Variants in LRRFIP1 observed in about 807,000 individuals in gnomAD.
The protein encoded by LRRFIP1 is leucine-rich repeat flightless-interacting protein 1.
In LRRFIP1, 62 loss-of-function variants were observed where a neutral mutation model predicts 104.4. That is an observed-to-expected ratio of 0.59 (90% confidence interval 0.48 to 0.73). The LOEUF is 0.73. LRRFIP1 is among the 30% of genes least tolerant of loss of function. The pLI, the probability that LRRFIP1 is intolerant of heterozygous loss-of-function variation, is 0.00. For missense variants in LRRFIP1, 796 were observed against 824.5 expected (o/e 0.97, Z 0.42); for synonymous variants, 300 against 299.0 (o/e 1.00, Z -0.03).
intron 11 of LRRFIP1, among the ~76,000 whole-genome samples, chr2:237,743,818 C>T (rs1221062677): frequency 1.3e-5 from 2 of 152,138 alleles, no homozygotes; most frequent in Non-Finnish European, 2.9e-5. Context: ...ACGGCCAGAG[C>T]TTGGGCCACA....
intron 1 of LRRFIP1, among the ~76,000 whole-genome samples, chr2:237,674,431 G>A (rs986286724): frequency 3.3e-5 from 5 of 152,212 alleles, no homozygotes; most frequent in Non-Finnish European, 7.3e-5. Flanking sequence ...CTGCAGGAGT[G>A]GCCATCAGTG....
intron 1 of LRRFIP1, among the ~76,000 whole-genome samples, chr2:237,638,351 CA>C (rs768470772): frequency 2.2e-4 from 34 of 152,160 alleles, no homozygotes; most frequent in Non-Finnish European, 3.5e-4. Context: ...GCTCATCTGA[CA>C]AGAGGTGGAG....
At chr2:237,744,097 A>G (rs572844827) in intron 11 of LRRFIP1, among the ~76,000 whole-genome samples, 1 of 152,366 alleles carries the variant, frequency 6.6e-6, no homozygotes, top group East Asian at 1.9e-4. Flanking sequence ...ACCAGGTGGA[A>G]AAACGGGTCT....
At chr2:237,745,218 C>T (rs1360010109) in intron 11 of LRRFIP1, among the ~76,000 whole-genome samples, 5 of 152,176 alleles carry the variant, frequency 3.3e-5, no homozygotes, top group East Asian at 1.9e-4. Context: ...AGTGGGGCTG[C>T]GTGGCTTTCC....
intron 14 of LRRFIP1, among the ~76,000 whole-genome samples, chr2:237,752,565 G>T (rs557099048): frequency 2.0e-5 from 3 of 152,078 alleles, no homozygotes; most frequent in African/African-American, 7.2e-5. Context: ...AGCTCTTGCC[G>T]CTGCCTTTAG....
chr2:237,675,827 T>C (rs368709918), intron 1 of LRRFIP1, among the ~76,000 whole-genome samples: 6 of 152,238 alleles, frequency 3.9e-5, no homozygotes, highest in South Asian at 2.1e-4. Flanking sequence ...AGAGATATAA[T>C]TGTCATAATC....
chr2:237,665,007 T>G (rs1207221337), intron 1 of LRRFIP1, among the ~76,000 whole-genome samples: 2 of 152,230 alleles, frequency 1.3e-5, no homozygotes, highest in Non-Finnish European at 2.9e-5. Flanking sequence ...ATCAGACCAT[T>G]GCACTGTGCT....
At chr2:237,727,837 G>T in intron 7 of LRRFIP1, 39 bp from the exon 8 acceptor site, 1 of 1,470,248 alleles carries the variant, frequency 6.8e-7, no homozygotes, top group Non-Finnish European at 9.5e-7. Context: ...ATTCATTTGT[G>T]TACTGATGTC....
At chr2:237,665,447 C>T (rs1046261134) in intron 1 of LRRFIP1, among the ~76,000 whole-genome samples, 4 of 152,160 alleles carry the variant, frequency 2.6e-5, no homozygotes, top group Admixed American at 1.3e-4. Context: ...CCACTCTTCA[C>T]GTAAGAATGA....
chr2:237,724,485 T>C (rs934850748), intron 7 of LRRFIP1, among the ~76,000 whole-genome samples: 1 of 152,212 alleles, frequency 6.6e-6, no homozygotes, highest in Non-Finnish European at 1.5e-5. Flanking sequence ...TCTTAACAGA[T>C]ACAAGAGCAG....
chr2:237,629,360 G>C (rs979779869), intron 1 of LRRFIP1, among the ~76,000 whole-genome samples: 3 of 152,196 alleles, frequency 2.0e-5, no homozygotes, highest in Non-Finnish European at 4.4e-5. Flanking sequence ...GCCAGAGGTG[G>C]CCAGTGAATC....
intron 1 of LRRFIP1, among the ~76,000 whole-genome samples, chr2:237,646,116 A>G (rs35436057): frequency 0.13 from 19,633 of 151,922 alleles, 1,977 homozygotes; most frequent in Non-Finnish European, 0.2. Context: ...AATTTTTAAC[A>G]TATTTATTTA....
chr2:237,679,767 C>T (rs1372128956), intron 1 of LRRFIP1, among the ~76,000 whole-genome samples: 1 of 152,128 alleles, frequency 6.6e-6, no homozygotes, highest in African/African-American at 2.4e-5. Flanking sequence ...CACCACCACG[C>T]CCAGCTAATT....
intron 1 of LRRFIP1, among the ~76,000 whole-genome samples, chr2:237,669,848 C>T (rs1049194975): frequency 6.6e-6 from 1 of 152,190 alleles, no homozygotes; most frequent in Admixed American, 6.5e-5. Flanking sequence ...GAAGCCTGAC[C>T]GGTCTCCATT....
Position 237,758,713 on chromosome 2 carries a change from T to G in LRRFIP1, c.1225-16T>G. 1 of 1,577,774 alleles carries G rather than the reference T, an allele frequency of 6.3e-7. No individual in the cohort carries two copies. ...TGCAAATCTTCTTCTTTCTCTTGGC[T>G]CTGCTGCACACTCAGGCATTAGAGA... On this transcript the variant is annotated splice_polypyrimidine_tract_variant and intron_variant, in intron 17 of 23. Transcript: ENST00000308482.
intron 8 of LRRFIP1, among the ~76,000 whole-genome samples, chr2:237,730,916 TCAGACAAA>T: frequency 7.4e-6 from 1 of 134,616 alleles, no homozygotes; most frequent in Middle Eastern, 3.8e-3. Context: ...AGATTCCATC[TCAGACAAA>T]CAAACAAACA....
intron 12 of LRRFIP1, 26 bp from the exon 13 acceptor site, chr2:237,749,173 A>T: frequency 6.2e-7 from 1 of 1,608,794 alleles, no homozygotes; most frequent in Non-Finnish European, 8.5e-7. Context: ...AAACCATATC[A>T]GCATGTGATC....
At chr2:237,764,118 A>T (rs754206497) in intron 19 of LRRFIP1, 1 of 1,614,206 alleles carries the variant, frequency 6.2e-7, no homozygotes, top group East Asian at 2.2e-5. Context: ...GGCAAAAGCA[A>T]AGAAGACTGT....
At chr2:237,749,170 A>G (rs1298730350) in intron 12 of LRRFIP1, 29 bp from the exon 13 acceptor site, 1 of 1,608,304 alleles carries the variant, frequency 6.2e-7, no homozygotes. Flanking sequence ...GCTAAACCAT[A>G]TCAGCATGTG....
Sources: gnomAD v4.1 joint callset for allele counts (sites outside exome capture counted in the v4.1 genomes callset) on GRCh38, gnomAD v4.1.1 for gene constraint, MANE v1.5 for transcripts, NCBI Gene and HGNC (gene_info 2026-07-23, HGNC 2026-07-21) for gene names.